Variants in CFAP210 observed in about 807,000 individuals in gnomAD.
CFAP210 encodes the protein cilia and flagella associated protein 210.
chr2:169,694,197 C>T, the CFAP210 span: 3 of 1,517,650 alleles, frequency 2.0e-6, no homozygotes, highest in Non-Finnish European at 2.7e-6. Context: ...GGCATCCTCG[C>T]CTCTCACTCC....
chr2:169,674,392 A>G, the CFAP210 span, among the ~76,000 whole-genome samples: 1 of 152,176 alleles, frequency 6.6e-6, no homozygotes, highest in Non-Finnish European at 1.5e-5. Flanking sequence ...ATGTTGCATT[A>G]TTATGACAAT....
chr2:169,669,694 C>T, the CFAP210 span, among the ~76,000 whole-genome samples: 1 of 150,994 alleles, frequency 6.6e-6, no homozygotes, highest in South Asian at 2.1e-4. Context: ...ATAAAGATGC[C>T]GCTGGAGGAG....
the CFAP210 span, among the ~76,000 whole-genome samples, chr2:169,688,032 T>G: frequency 9.2e-5 from 14 of 152,324 alleles, no homozygotes; most frequent in African/African-American, 3.1e-4. Context: ...CAGCATGAGC[T>G]CTACATTGGC....
At chr2:169,679,702 A>AC in the CFAP210 span, among the ~76,000 whole-genome samples, 1,697 of 149,768 alleles carry the variant, frequency 0.011, 24 homozygotes, top group Middle Eastern at 0.068. Context: ...AAAAAAAAAA[A>AC]AGGTGCCAGT....
At chr2:169,675,105 T>C in the CFAP210 span, 4 of 1,074,360 alleles carry the variant, frequency 3.7e-6, no homozygotes, top group South Asian at 5.3e-5. Flanking sequence ...CAGTTTAACA[T>C]AATAATATGA....
At chr2:169,668,284 A>G in the CFAP210 span, among the ~76,000 whole-genome samples, 1 of 152,094 alleles carries the variant, frequency 6.6e-6, no homozygotes. Context: ...GAGAGTTAGG[A>G]CCTCATTCTG....
chr2:169,678,209 G>A, the CFAP210 span, among the ~76,000 whole-genome samples: 5 of 151,488 alleles, frequency 3.3e-5, no homozygotes, highest in Non-Finnish European at 4.4e-5. Context: ...GCATGGTGGC[G>A]CATGCCTGTA....
At chr2:169,648,694 G>A in the CFAP210 span, among the ~76,000 whole-genome samples, 5 of 152,318 alleles carry the variant, frequency 3.3e-5, no homozygotes, top group South Asian at 1.0e-3. Flanking sequence ...GTGTTGATGA[G>A]TATGTGGAGT....
At chr2:169,667,300 G>A in the CFAP210 span, among the ~76,000 whole-genome samples, 2 of 151,850 alleles carry the variant, frequency 1.3e-5, no homozygotes, top group African/African-American at 4.8e-5. Context: ...CACCATGCCT[G>A]GCTAATTTTT....
the CFAP210 span, chr2:169,650,394 C>G: frequency 6.2e-7 from 1 of 1,601,832 alleles, no homozygotes; most frequent in Admixed American, 1.7e-5. Context: ...TTTTCTCTTT[C>G]TCTTTTTTCC....
the CFAP210 span, among the ~76,000 whole-genome samples, chr2:169,668,948 C>T: frequency 2.0e-5 from 3 of 152,026 alleles, no homozygotes. Flanking sequence ...AGGGTTGCCA[C>T]AAATCTTCGA....
chr2:169,652,814 T>A, the CFAP210 span, among the ~76,000 whole-genome samples: 2 of 147,516 alleles, frequency 1.4e-5, no homozygotes, highest in Admixed American at 6.8e-5. Context: ...GCTAACACGG[T>A]GAAACCCCGT....
At chr2:169,650,292 GTCTT>G in the CFAP210 span, 157 of 1,509,930 alleles carry the variant, frequency 1.0e-4, no homozygotes, top group Non-Finnish European at 1.2e-4. Flanking sequence ...TCCTAACTCT[GTCTT>G]TCTATTTTTA....
chr2:169,680,800 CAT>C, the CFAP210 span, among the ~76,000 whole-genome samples: 2 of 152,280 alleles, frequency 1.3e-5, no homozygotes, highest in South Asian at 2.1e-4. Flanking sequence ...GGGGTTTATA[CAT>C]ATGTCAAAAT....
chr2:169,674,891 C>T, the CFAP210 span: 2 of 1,519,410 alleles, frequency 1.3e-6, no homozygotes, highest in Non-Finnish European at 1.8e-6. Context: ...CTCTTTCTGT[C>T]TGGTAAAATT....
At chr2:169,671,982 T>C in the CFAP210 span, among the ~76,000 whole-genome samples, 1 of 152,256 alleles carries the variant, frequency 6.6e-6, no homozygotes, top group Non-Finnish European at 1.5e-5. Flanking sequence ...ATCTCTTTTT[T>C]GCTACATGCT....
the CFAP210 span, among the ~76,000 whole-genome samples, chr2:169,676,519 C>CA: frequency 2.0e-5 from 3 of 150,960 alleles, no homozygotes; most frequent in Admixed American, 2.0e-4. Flanking sequence ...TCCATCCTCC[C>CA]AAAAAATCCC....
chr2:169,666,709 G>A, the CFAP210 span, among the ~76,000 whole-genome samples: 289 of 152,212 alleles, frequency 1.9e-3, no homozygotes, highest in African/African-American at 6.6e-3. Context: ...TCTGTAGTAC[G>A]TAATGCTGTT....
At chr2:169,690,596 G>C in the CFAP210 span, among the ~76,000 whole-genome samples, 2 of 150,964 alleles carry the variant, frequency 1.3e-5, no homozygotes, top group South Asian at 4.2e-4. Flanking sequence ...CTGGGAGGCA[G>C]AGGTTGCAGT....
Sources: allele counts gnomAD v4.1 joint callset (sites outside exome capture counted in the v4.1 genomes callset), GRCh38; gene constraint gnomAD v4.1.1; transcripts MANE v1.5; gene names NCBI Gene and HGNC (gene_info 2026-07-23, HGNC 2026-07-21).